Variants in RBFOX3 observed in about 807,000 individuals in gnomAD.
RBFOX3 encodes the protein RNA binding fox-1 homolog 3.
RBFOX3 carries 17 observed loss-of-function variants against 48.7 expected under a neutral mutation model. That is an observed-to-expected ratio of 0.35 (90% confidence interval 0.24 to 0.52). RBFOX3 has a LOEUF of 0.52. Ranked by LOEUF, RBFOX3 falls within the 20% of genes least tolerant of loss-of-function variation. RBFOX3 has a pLI of 0.94. For missense variants in RBFOX3, 382 were observed against 497.5 expected (o/e 0.77, Z 2.21); for synonymous variants, 212 against 209.5 (o/e 1.01, Z -0.10).
chr17:79,280,280 A>G (rs928884522), intron 3 of RBFOX3, among the ~76,000 whole-genome samples: 8 of 151,884 alleles, frequency 5.3e-5, no homozygotes, highest in African/African-American at 1.9e-4. Context: ...ACATGCATAT[A>G]CGCACATGCA....
rs1268508256 is a variant in RBFOX3, at chr17:79,199,848, AG to A, written c.-34+35917del. ...ACCGCTCTAAAGCTTCCCACATCTC[AG>A]TTTCCTTATCTATAAAATGGGGAGA... On this transcript the variant is annotated intron_variant, in intron 4 of 14. Transcript: ENST00000693108. The surrounding 1 kb of genome is among the most constrained non-coding windows in gnomAD (Gnocchi z 5.1). 2.6e-5 allele frequency among the ~76,000 whole-genome samples: 4 copies of A among 152,120 alleles called. No homozygotes were observed. Among genetic ancestry groups the A allele is most frequent in the African/African-American group, 9.7e-5 (4 of 41,430 alleles).
rs1568220239 is a variant in RBFOX3 at position 79,144,890 on chromosome 17, C to T, written c.-33-29142G>A. ...TCTCCTGGCCCACAAAAGGGGCAGA[C>T]GGGCCGCTGCCTACCCACCTCCGAG... On this transcript the variant is annotated intron_variant, in intron 4 of 14. Transcript: ENST00000693108. 2.0e-5 allele frequency among the ~76,000 whole-genome samples: 3 copies of T among 152,296 alleles called. No homozygotes were observed. In the South Asian group the frequency reaches 6.2e-4, roughly 32 times the overall value.
At chr17:79,265,010 A>G (rs2066459796) in intron 3 of RBFOX3, among the ~76,000 whole-genome samples, 1 of 152,014 alleles carries the variant, frequency 6.6e-6, no homozygotes, top group East Asian at 1.9e-4. Flanking sequence ...AACTGCATCA[A>G]ACTACTACAG....
At chr17:79,284,590 AG>A (rs1405699734) in intron 3 of RBFOX3, among the ~76,000 whole-genome samples, 5 of 142,812 alleles carry the variant, frequency 3.5e-5, no homozygotes, top group African/African-American at 1.3e-4. Context: ...AGCAGGCTAG[AG>A]TGTAGTGGCT....
intron 1 of RBFOX3, among the ~76,000 whole-genome samples, chr17:79,546,672 T>A (rs1160242901): frequency 1.3e-5 from 2 of 148,256 alleles, no homozygotes; most frequent in Non-Finnish European, 3.0e-5. Context: ...TCATTCTATT[T>A]TTTTTTTTTT....
At chr17:79,450,954 T>A (rs540207094) in intron 2 of RBFOX3, among the ~76,000 whole-genome samples, 3 of 152,338 alleles carry the variant, frequency 2.0e-5, no homozygotes, top group African/African-American at 7.2e-5. Context: ...TGAGATTTTC[T>A]AAATCAGAGC....
At chr17:79,330,059 G>A (rs11868342) in intron 2 of RBFOX3, among the ~76,000 whole-genome samples, 1 of 152,194 alleles carries the variant, frequency 6.6e-6, no homozygotes, top group Non-Finnish European at 1.5e-5. Context: ...AGTTAAGCTG[G>A]GCAGAAAAAC....
At chr17:79,306,380 C>A (rs971701628) in intron 3 of RBFOX3, among the ~76,000 whole-genome samples, 11 of 152,266 alleles carry the variant, frequency 7.2e-5, no homozygotes, top group African/African-American at 2.7e-4. Flanking sequence ...GGCCCGCACG[C>A]GTGTGACTCT....
chr17:79,106,731 C>T lies in RBFOX3; in HGVS notation c.280G>A (p.Glu94Lys). ...SQPLHPSDPT[E>K]KQQPKRLHVS... ...TGTAGCCGCTTGGGCTGCTGCTTCT[C>T]TGTAGGGTCGGAGGGGTGGAGCGGC... Residue 94 changes from glutamate (E) to lysine (K), a missense_variant, in exon 6 of 15, where the codon GAG (glutamate) becomes AAG (lysine). Around this residue, in one of 3 missense-constraint regions of RBFOX3, gnomAD observed 118 missense variants for 132.1 expected, o/e 0.89. Transcript: ENST00000693108. The T allele has an allele frequency of 6.6e-7, 1 of 1,509,566 alleles. No homozygotes were observed. The highest frequency in any genetic ancestry group is 8.8e-7 in the Non-Finnish European group (1 of 1,132,148). 93.5% of individuals were successfully genotyped at this position (1,509,566 alleles called of 1,614,324 possible).
chr17:79,470,135 G>A lies in RBFOX3; in HGVS notation c.-175+12319C>T, dbSNP rs868949300. Among the ~76,000 whole-genome samples the A allele has an allele frequency of 9.4e-3, 1,424 of 152,170 alleles. 22 individuals are homozygous for A. Among genetic ancestry groups the A allele is most frequent in the African/African-American group, 0.033 (1,374 of 41,512 alleles). On this transcript the variant is annotated intron_variant, in intron 2 of 14. Transcript: ENST00000693108. The stretch of plus-strand genomic sequence containing the variant: ...TTCAGCTCCACACACACAGCCCCTG[G>A]CCCCGATCCAGACCCAAAAGGGCCC...
chr17:79,566,241 T>C (rs1181351482), intron 1 of RBFOX3, among the ~76,000 whole-genome samples: 3 of 152,210 alleles, frequency 2.0e-5, no homozygotes, highest in Non-Finnish European at 2.9e-5. Context: ...CAATTACGAA[T>C]GATGAATGAG....
intron 4 of RBFOX3, among the ~76,000 whole-genome samples, chr17:79,159,606 C>T (rs1299833407): frequency 6.6e-6 from 1 of 152,178 alleles, no homozygotes; most frequent in Non-Finnish European, 1.5e-5. Context: ...TTGATTGCCA[C>T]CCACTCACAC....
intron 1 of RBFOX3, among the ~76,000 whole-genome samples, chr17:79,555,491 CAGTGGTGG>C (rs1229419690): frequency 1.1e-5 from 1 of 88,254 alleles, no homozygotes; most frequent in Non-Finnish European, 2.2e-5. Context: ...GTGGTGATGA[CAGTGGTGG>C]TGGTGGTGGT....
chr17:79,175,632 C>T (rs962557252), intron 4 of RBFOX3, among the ~76,000 whole-genome samples: 1 of 152,252 alleles, frequency 6.6e-6, no homozygotes, highest in Non-Finnish European at 1.5e-5. Flanking sequence ...CCCTGGCTCC[C>T]CAGTGCTCCC....
At chr17:79,217,229 G>A (rs2059173107) in intron 4 of RBFOX3, among the ~76,000 whole-genome samples, 1 of 152,222 alleles carries the variant, frequency 6.6e-6, no homozygotes, top group Non-Finnish European at 1.5e-5. Flanking sequence ...ATCATTGGCC[G>A]CAAGTTTGCC....
At position 79,206,000 on chromosome 17, in the gene RBFOX3, C is replaced by T. The variant is rs1393554314; in HGVS notation, c.-34+29766G>A. ...TGACATTCCAGAGAATATGCTCATCCGATACACTGAGGAAATCAGGCTCAT... is the reference window on the plus strand; with the variant it reads ...TGACATTCCAGAGAATATGCTCATCTGATACACTGAGGAAATCAGGCTCAT... On this transcript the variant is annotated intron_variant, in intron 4 of 14. Transcript: ENST00000693108. The surrounding 1 kb of genome is among the most constrained non-coding windows in gnomAD (Gnocchi z 4.5). 2.0e-5 allele frequency among the ~76,000 whole-genome samples: 3 copies of T among 152,080 alleles called. No individual in the cohort carries two copies. The highest frequency in any genetic ancestry group is 1.9e-4 in the East Asian group (1 of 5,198).
chr17:79,112,904 C>CGGCGGGGGG (rs1307784460), intron 5 of RBFOX3, among the ~76,000 whole-genome samples: 137 of 10,190 alleles, frequency 0.013, 3 homozygotes, highest in Admixed American at 0.019. Context: ...AGCAGGCTCT[C>CGGCGGGGGG]GGGGGGGGGG....
chr17:79,250,412 C>T (rs1280298033), intron 3 of RBFOX3, among the ~76,000 whole-genome samples: 5 of 152,184 alleles, frequency 3.3e-5, no homozygotes, highest in Non-Finnish European at 5.9e-5. Flanking sequence ...TTTACATGGA[C>T]ATTCCCAAGG....
the RBFOX3 span, among the ~76,000 whole-genome samples, chr17:79,653,805 G>A: frequency 6.7e-6 from 1 of 149,842 alleles, no homozygotes; most frequent in Non-Finnish European, 1.5e-5. Flanking sequence ...CACTTTGGGA[G>A]GCTGAGGTGG....
Sources: allele counts gnomAD v4.1 joint callset (sites outside exome capture counted in the v4.1 genomes callset), GRCh38; gene constraint gnomAD v4.1.1; regional missense constraint gnomAD v4.1.1; non-coding constraint Gnocchi (gnomAD v3.1); transcripts MANE v1.5; gene names NCBI Gene and HGNC (gene_info 2026-07-23, HGNC 2026-07-21).